Variants in CMTM4 observed in about 807,000 individuals in gnomAD.
The protein encoded by CMTM4 is CKLF like MARVEL transmembrane domain containing 4, also known as CKLF-like MARVEL transmembrane domain-containing protein 4.
Under a neutral mutation model 19.0 loss-of-function variants are expected in CMTM4, and 8 were observed. The observed-to-expected ratio is 0.42, with a 90% CI of 0.25 to 0.76. The LOEUF is 0.76. CMTM4 is among the 30% of genes least tolerant of loss of function. The probability of loss-of-function intolerance (pLI) is 0.27; values close to 1 mark genes in which losing one functional copy is unlikely to be tolerated. For missense variants in CMTM4, 228 were observed against 290.2 expected (o/e 0.79, Z 1.56); for synonymous variants, 106 against 121.1 (o/e 0.88, Z 0.82).
chr16:66,656,652 G>GAA (rs147497033), intron 1 of CMTM4, among the ~76,000 whole-genome samples: 4 of 135,362 alleles, frequency 3.0e-5, no homozygotes, highest in Non-Finnish European at 4.8e-5. Context: ...TAACTACATA[G>GAA]AAAAAAAAAA....
At chr16:66,668,271 A>G (rs2016640460) in intron 1 of CMTM4, among the ~76,000 whole-genome samples, 1 of 151,622 alleles carries the variant, frequency 6.6e-6, no homozygotes, top group African/African-American at 2.4e-5. Flanking sequence ...AGCCCCCCAG[A>G]GTGCTGGGAT....
intron 2 of CMTM4, among the ~76,000 whole-genome samples, chr16:66,631,880 T>C (rs1057334619): frequency 1.3e-5 from 2 of 152,034 alleles, no homozygotes; most frequent in Admixed American, 6.5e-5. Context: ...TATTGTCCTA[T>C]GACCCTGCCA....
At chr16:66,683,109 TTGTGTGTG>T (rs540380218) in intron 1 of CMTM4, among the ~76,000 whole-genome samples, 18 of 132,346 alleles carry the variant, frequency 1.4e-4, no homozygotes, top group African/African-American at 4.1e-4. Flanking sequence ...TAGAGTCTAG[TTGTGTGTG>T]TGTGTGTGTG....
At chr16:66,639,550 G>GCAT (rs1333714035) in intron 1 of CMTM4, among the ~76,000 whole-genome samples, 2 of 152,052 alleles carry the variant, frequency 1.3e-5, no homozygotes, top group Non-Finnish European at 2.9e-5. Flanking sequence ...GGTGAACAAA[G>GCAT]CATAGCTGGG....
downstream of CMTM4, chr16:66,610,184 C>T: frequency 1.4e-6 from 1 of 719,988 alleles, no homozygotes; most frequent in East Asian, 2.7e-5. The surrounding 1 kb of genome is among the most constrained non-coding windows in gnomAD (Gnocchi z 4.6). Context: ...TCCCATTCGC[C>T]TCGTGCACCC....
chr16:66,669,781 T>G (rs1295218653), intron 1 of CMTM4, among the ~76,000 whole-genome samples: 3 of 152,126 alleles, frequency 2.0e-5, no homozygotes, highest in Non-Finnish European at 2.9e-5. Flanking sequence ...CCTGACCTTG[T>G]GATCCACCCA....
intron 2 of CMTM4, among the ~76,000 whole-genome samples, chr16:66,624,507 C>G (rs989205092): frequency 7.2e-5 from 11 of 152,236 alleles, no homozygotes; most frequent in Admixed American, 7.2e-4. Flanking sequence ...TGGCTCATGC[C>G]TGTAATCCCA....
chr16:66,610,123 TTTTCACAGCCCATTCTCACCTACCCTCA>T, downstream of CMTM4: 1 of 1,310,272 alleles, frequency 7.6e-7, no homozygotes, highest in Non-Finnish European at 1.1e-6. The surrounding 1 kb of genome is among the most constrained non-coding windows in gnomAD (Gnocchi z 4.6). Flanking sequence ...GCAGGAAGTG[TTTTCACAGCCCATTCTCACCTACCCTCA>T]TGCAGCACTG....
Position 66,620,938 on chromosome 16 carries a change from T to A in CMTM4, c.*1120A>T, listed in dbSNP as rs1020689229. ...TCAGAAACCTTAAGTAGCTAGGATTTTTCCCCCCAACAACTCCCAAGAATG... is the reference window on the plus strand; with the variant it reads ...TCAGAAACCTTAAGTAGCTAGGATTATTCCCCCCAACAACTCCCAAGAATG... On this transcript the variant is annotated 3_prime_UTR_variant, in exon 4 of 4. Coordinates refer to ENST00000394106, the MANE Select transcript of CMTM4 (RefSeq NM_181521.3). 1.5e-5 allele frequency: 15 copies of A among 985,708 alleles called. No individual in the cohort carries two copies. The African/African-American group carries it at 2.6e-4, about 17-fold the overall frequency. The allele number at this position is 985,708 out of a possible 1,614,324, so 61.1% of individuals were successfully genotyped here.
intron 1 of CMTM4, among the ~76,000 whole-genome samples, chr16:66,678,933 T>C (rs355927): frequency 0.093 from 14,135 of 151,802 alleles, 914 homozygotes; most frequent in East Asian, 0.25. Context: ...CGAAACCCCA[T>C]CTCTACAAAA....
chr16:66,648,796 AC>A (rs1196709857), intron 1 of CMTM4, among the ~76,000 whole-genome samples: 1 of 152,082 alleles, frequency 6.6e-6, no homozygotes, highest in African/African-American at 2.4e-5. Context: ...ACATGGTGAA[AC>A]CCCATCTCTA....
intron 1 of CMTM4, among the ~76,000 whole-genome samples, chr16:66,670,525 G>A (rs528287190): frequency 6.6e-6 from 1 of 151,906 alleles, no homozygotes; most frequent in South Asian, 2.1e-4. Flanking sequence ...AATGTAGCCA[G>A]GCACGATGGC....
chr16:66,683,171 A>ACACG, intron 1 of CMTM4, among the ~76,000 whole-genome samples: 1 of 85,994 alleles, frequency 1.2e-5, no homozygotes, highest in East Asian at 4.6e-4. Context: ...GTATATATAT[A>ACACG]TATACATATG....
At chr16:66,611,447 T>A (rs2015372776), downstream of CMTM4, among the ~76,000 whole-genome samples, 1 of 151,746 alleles carries the variant, frequency 6.6e-6, no homozygotes, top group Admixed American at 6.6e-5. Context: ...AGACTCCATC[T>A]CGGGGGGAAA....
chr16:66,640,943 T>C (rs529222102), intron 1 of CMTM4, among the ~76,000 whole-genome samples: 38 of 152,296 alleles, frequency 2.5e-4, no homozygotes, highest in African/African-American at 7.9e-4. Flanking sequence ...TCAGATGACA[T>C]AGCCCTAGCC....
At chr16:66,677,103 T>C (rs532191704) in intron 1 of CMTM4, among the ~76,000 whole-genome samples, 23 of 152,210 alleles carry the variant, frequency 1.5e-4, no homozygotes, top group Admixed American at 3.3e-4. Flanking sequence ...CCAGGCGTGG[T>C]AGCACACCTG....
At chr16:66,655,145 G>A (rs752752854) in intron 1 of CMTM4, among the ~76,000 whole-genome samples, 3 of 151,864 alleles carry the variant, frequency 2.0e-5, no homozygotes, top group Non-Finnish European at 2.9e-5. Context: ...CACCATACAC[G>A]GCTAATTTTT....
At chr16:66,644,931 T>A (rs2016163836) in intron 1 of CMTM4, among the ~76,000 whole-genome samples, 1 of 152,242 alleles carries the variant, frequency 6.6e-6, no homozygotes, top group Non-Finnish European at 1.5e-5. Context: ...TCAGGCCATT[T>A]TCCACACTGA....
intron 1 of CMTM4, among the ~76,000 whole-genome samples, chr16:66,661,608 G>T (rs138632598): frequency 6.6e-6 from 1 of 152,198 alleles, no homozygotes; most frequent in East Asian, 1.9e-4. Context: ...CACATGCCAG[G>T]AATATCCCAG....
Sources: gnomAD v4.1 joint callset for allele counts (sites outside exome capture counted in the v4.1 genomes callset) on GRCh38, gnomAD v4.1.1 for gene constraint, Gnocchi (gnomAD v3.1) non-coding constraint, MANE v1.5 for transcripts, NCBI Gene and HGNC (gene_info 2026-07-23, HGNC 2026-07-21) for gene names.